ARSK: variants seen among roughly 807,000 people sequenced by gnomAD.
ARSK encodes arylsulfatase family member K.
Under a neutral mutation model 53.2 loss-of-function variants are expected in ARSK, and 37 were observed. The ratio of observed to expected loss-of-function variants is 0.70; its 90% CI spans 0.54 to 0.92. The LOEUF (loss-of-function observed/expected upper bound fraction) is 0.92. ARSK is among the 40% of genes least tolerant of loss of function. The probability of loss-of-function intolerance (pLI) is 0.00; values close to 1 mark genes in which losing one functional copy is unlikely to be tolerated. For synonymous variants in ARSK, 208 were observed against 223.2 expected (o/e 0.93, Z 0.61); for missense variants, 613 against 643.0 (o/e 0.95, Z 0.51).
In ARSK at chr5:95,603,318, A is replaced by T; in HGVS notation, c.1403A>T (p.His468Leu). 6.2e-7 allele frequency: 1 copy of T among 1,609,748 alleles called. No individual in the cohort carries two copies. The highest frequency in any genetic ancestry group is 8.5e-7 in the Non-Finnish European group (1 of 1,178,104). ...EITYSLDQKL[H>L]SIINYPKVSA... Reference sequence around the variant, plus strand: ...ACTTATTCTTTGGATCAGAAGCTTCATTCCATTATAAACTACCCTAAAGTT... The same window carrying T: ...ACTTATTCTTTGGATCAGAAGCTTCTTTCCATTATAAACTACCCTAAAGTT... Residue 468 changes from histidine (H) to leucine (L), a missense_variant, in exon 8 of 8, where the codon CAT (histidine) becomes CTT (leucine). His to Leu is a moderately conservative substitution (Grantham distance 99). Coordinates refer to ENST00000380009, the MANE Select transcript of ARSK (RefSeq NM_198150.3).
intron 5 of ARSK, among the ~76,000 whole-genome samples, chr5:95,588,549 T>G (rs1213331484): frequency 1.3e-5 from 2 of 152,042 alleles, no homozygotes; most frequent in Non-Finnish European, 2.9e-5. Flanking sequence ...ACACCGGTCT[T>G]TTCACCAAAT....
At position 95,586,737 on chromosome 5, in the gene ARSK, G is replaced by C. The variant is rs199789005; in HGVS notation, c.871+4G>C. 2 of 1,574,708 alleles carry C rather than the reference G, an allele frequency of 1.3e-6. No individual in the cohort carries two copies. The highest frequency in any genetic ancestry group is 1.7e-6 in the Non-Finnish European group (2 of 1,163,908). On this transcript the variant is annotated splice_donor_region_variant and intron_variant, in intron 5 of 7. Coordinates refer to ENST00000380009, the MANE Select transcript of ARSK (RefSeq NM_198150.3). Reference sequence around the variant, plus strand: ...GCTGAGACAGATGCCATGCTTGGTAGGTGGTATAATTAATAAGCAATTACA... The same window carrying C: ...GCTGAGACAGATGCCATGCTTGGTACGTGGTATAATTAATAAGCAATTACA...
chr5:95,592,990 A>C (rs1418935290), intron 6 of ARSK, among the ~76,000 whole-genome samples: 1 of 150,924 alleles, frequency 6.6e-6, no homozygotes, highest in East Asian at 2.0e-4. Flanking sequence ...ACTTTTCCTC[A>C]TTTCTGTGTT....
intron 7 of ARSK, 83 bp downstream of exon 7, chr5:95,601,154 C>G (rs1035958945): frequency 3.2e-6 from 4 of 1,253,548 alleles, no homozygotes; most frequent in Non-Finnish European, 3.4e-6. Flanking sequence ...ATCCAATAAT[C>G]CTTGTTAAAT....
rs139174376 is a variant in ARSK, at chr5:95,577,709, T to TA, written c.417-5203dup. Among the ~76,000 whole-genome samples, 257 of 152,264 alleles carry TA rather than the reference T, an allele frequency of 1.7e-3. 7 individuals are homozygous for TA. Among genetic ancestry groups the TA allele is most frequent in the East Asian group, 0.012 (61 of 5,184 alleles). Reference sequence around the variant, plus strand: ...AATGGCTAGGTGAGATTTCACAAGATAAAATCCCTGAATACTCACCTCCAC... The same window carrying TA: ...AATGGCTAGGTGAGATTTCACAAGATAAAAATCCCTGAATACTCACCTCCAC... On this transcript the variant is annotated intron_variant, in intron 3 of 7. Transcript: ENST00000380009.
intron 6 of ARSK, chr5:95,600,566 T>G: frequency 1.8e-6 from 1 of 555,372 alleles, no homozygotes; most frequent in Admixed American, 2.3e-5. Flanking sequence ...TAAAGTATCT[T>G]ATTTAAACCT....
At chr5:95,576,200 CTTTT>C (rs60974669) in intron 3 of ARSK, among the ~76,000 whole-genome samples, 1 of 130,226 alleles carries the variant, frequency 7.7e-6, no homozygotes, top group African/African-American at 3.1e-5. Context: ...AAGTGTATAC[CTTTT>C]TTTTTTTTTT....
intron 3 of ARSK, among the ~76,000 whole-genome samples, chr5:95,572,505 G>A (rs998967542): frequency 1.2e-4 from 18 of 152,202 alleles, no homozygotes; most frequent in African/African-American, 3.6e-4. Flanking sequence ...TGGGCCGGGC[G>A]CGGTGGCTCA....
At chr5:95,562,160 G>A (rs891776218) in intron 1 of ARSK, among the ~76,000 whole-genome samples, 9 of 152,266 alleles carry the variant, frequency 5.9e-5, no homozygotes, top group Admixed American at 2.6e-4. Flanking sequence ...GCAGTGAACC[G>A]AGATTGTGCC....
intron 7 of ARSK, among the ~76,000 whole-genome samples, chr5:95,601,625 C>G (rs566159115): frequency 2.6e-5 from 4 of 152,156 alleles, no homozygotes; most frequent in Non-Finnish European, 5.9e-5. Context: ...AGCTTCACTA[C>G]TCTATGAATT....
intron 3 of ARSK, among the ~76,000 whole-genome samples, chr5:95,570,302 T>C (rs1748804097): frequency 6.6e-6 from 1 of 152,238 alleles, no homozygotes; most frequent in Admixed American, 6.5e-5. Flanking sequence ...TTTAAAACTT[T>C]CCTTAATATG....
In ARSK at chr5:95,560,180, G is replaced by T. The variant is rs138017640; in HGVS notation, c.126+4776G>T. ...CAAAACATTGTTGAAAGAAATAAAA[G>T]AACATTTAAATAAATGAACAGACAT... On this transcript the variant is annotated intron_variant, in intron 1 of 7. Transcript: ENST00000380009. 2.9e-3 allele frequency among the ~76,000 whole-genome samples: 435 copies of T among 152,088 alleles called. 1 individual carries two copies. The highest frequency in any genetic ancestry group is 9.5e-3 in the African/African-American group (393 of 41,532).
chr5:95,596,598 C>G (rs1749312051), intron 6 of ARSK, among the ~76,000 whole-genome samples: 1 of 151,932 alleles, frequency 6.6e-6, no homozygotes, highest in South Asian at 2.1e-4. Context: ...CTTCTTGTAT[C>G]AAAAAATATA....
chr5:95,582,773 T>C (rs1749038949), intron 3 of ARSK, 143 bp from the exon 4 acceptor site: 2 of 744,210 alleles, frequency 2.7e-6, no homozygotes, highest in South Asian at 8.8e-5. Flanking sequence ...AACTTTCTTT[T>C]TGAGATCTAA....
chr5:95,572,688 G>A (rs1748855519), intron 3 of ARSK, among the ~76,000 whole-genome samples: 1 of 152,188 alleles, frequency 6.6e-6, no homozygotes, highest in African/African-American at 2.4e-5. Flanking sequence ...TGAGGCAGGA[G>A]AATGGCGTGA....
intron 1 of ARSK, among the ~76,000 whole-genome samples, chr5:95,560,238 T>C (rs1317414344): frequency 3.3e-5 from 5 of 151,966 alleles, no homozygotes; most frequent in African/African-American, 1.2e-4. Flanking sequence ...TTTAATATTG[T>C]TAATATAGCA....
chr5:95,562,431 T>C (rs1426912296), intron 1 of ARSK, among the ~76,000 whole-genome samples: 2 of 152,182 alleles, frequency 1.3e-5, no homozygotes, highest in Non-Finnish European at 2.9e-5. Context: ...AGAATCTCAT[T>C]CAGTCTGATG....
At chr5:95,598,426 T>A (rs897370933) in intron 6 of ARSK, among the ~76,000 whole-genome samples, 5 of 152,170 alleles carry the variant, frequency 3.3e-5, no homozygotes, top group Non-Finnish European at 7.4e-5. Context: ...AACCAATAAA[T>A]ACTTGAAGTA....
At chr5:95,559,764 A>G (rs1184413300) in intron 1 of ARSK, among the ~76,000 whole-genome samples, 2 of 152,210 alleles carry the variant, frequency 1.3e-5, no homozygotes, top group African/African-American at 2.4e-5. Flanking sequence ...GAAAAAAAAA[A>G]TCAGTTTTCT....
Sources: gnomAD v4.1 joint callset for allele counts (sites outside exome capture counted in the v4.1 genomes callset) on GRCh38, gnomAD v4.1.1 for gene constraint, MANE v1.5 for transcripts, NCBI Gene and HGNC (gene_info 2026-07-23, HGNC 2026-07-21) for gene names.